The following RUNX2 variants were observed in gnomAD, a reference collection of about 807,000 sequenced individuals.
RUNX2 encodes RUNX family transcription factor 2.
RUNX2 carries 10 observed loss-of-function variants against 51.7 expected under a neutral mutation model. The ratio of observed to expected loss-of-function variants is 0.19; its 90% CI spans 0.12 to 0.33. The LOEUF is 0.33. Ranked by LOEUF, RUNX2 falls within the 10% of genes least tolerant of loss-of-function variation. RUNX2 has a pLI of 1.00. For missense variants in RUNX2, 562 were observed against 691.3 expected (o/e 0.81, Z 2.10); for synonymous variants, 276 against 273.6 (o/e 1.01, Z -0.09).
chr6:45,520,068 G>A (rs919970857), intron 7 of RUNX2, among the ~76,000 whole-genome samples: 2 of 151,918 alleles, frequency 1.3e-5, no homozygotes, highest in African/African-American at 4.8e-5. Flanking sequence ...CTGACCTCAG[G>A]TGATCCACCT....
chr6:45,543,924 C>T (rs1301279575), intron 7 of RUNX2, among the ~76,000 whole-genome samples: 2 of 150,398 alleles, frequency 1.3e-5, no homozygotes, highest in Admixed American at 1.3e-4. Context: ...AGGATTTCTC[C>T]CACCACCTTA....
At chr6:45,479,280 A>T (rs1800043948) in intron 5 of RUNX2, among the ~76,000 whole-genome samples, 2 of 152,178 alleles carry the variant, frequency 1.3e-5, no homozygotes, top group African/African-American at 4.8e-5. Context: ...AGTGAGCTTC[A>T]TAGGTTCTTC....
intron 7 of RUNX2, among the ~76,000 whole-genome samples, chr6:45,527,484 A>G (rs1801705979): frequency 6.6e-6 from 1 of 152,208 alleles, no homozygotes; most frequent in Admixed American, 6.5e-5. Flanking sequence ...TGGTGGGGAT[A>G]GAGACACTGG....
At chr6:45,491,846 C>A in intron 5 of RUNX2, 95 bp from the exon 6 acceptor site, 2 of 1,279,302 alleles carry the variant, frequency 1.6e-6, no homozygotes, top group Non-Finnish European at 2.3e-6. Context: ...AATTCCTTGG[C>A]TTAAACTCCC....
At chr6:45,503,016 G>T (rs150690674) in intron 6 of RUNX2, among the ~76,000 whole-genome samples, 1 of 152,102 alleles carries the variant, frequency 6.6e-6, no homozygotes, top group East Asian at 1.9e-4. Flanking sequence ...AACTGGACAC[G>T]GGCCTAAAGC....
chr6:45,397,369 A>G (rs1852983), intron 2 of RUNX2, among the ~76,000 whole-genome samples: 26,665 of 152,008 alleles, frequency 0.18, 2,905 homozygotes, highest in Non-Finnish European at 0.25. Flanking sequence ...TCCGCCTCCC[A>G]AAGTGCTGGG....
chr6:45,395,168 C>T lies in RUNX2; in HGVS notation c.59-27425C>T, dbSNP rs568298920. Among the ~76,000 whole-genome samples the T allele has an allele frequency of 5.7e-4, 87 of 152,272 alleles. 1 individual carries two copies. Among genetic ancestry groups the T allele is most frequent in the Admixed American group, 3.0e-3 (46 of 15,300 alleles). On this transcript the variant is annotated intron_variant, in intron 2 of 8. Coordinates refer to ENST00000647337, the MANE Select transcript of RUNX2 (RefSeq NM_001024630.4). ...TTTGGGGCAGTGGTTTGTCCTGTGA[C>T]CTCCACTCTCTGATGGAACTAAGAA...
intron 2 of RUNX2, among the ~76,000 whole-genome samples, chr6:45,332,815 T>C (rs756866180): frequency 6.6e-6 from 1 of 151,808 alleles, no homozygotes; most frequent in Non-Finnish European, 1.5e-5. Context: ...CTATTTTTTC[T>C]AGTCACTCAC....
intron 6 of RUNX2, among the ~76,000 whole-genome samples, chr6:45,497,821 C>T (rs527487460): frequency 6.6e-6 from 1 of 152,256 alleles, no homozygotes; most frequent in Non-Finnish European, 1.5e-5. Context: ...ACTTTTGGTT[C>T]GGTGATCAGT....
intron 2 of RUNX2, among the ~76,000 whole-genome samples, chr6:45,399,214 A>T (rs1342599350): frequency 6.6e-6 from 1 of 152,072 alleles, no homozygotes; most frequent in Non-Finnish European, 1.5e-5. Context: ...TCAAGATGGA[A>T]GCAGAAATTG....
intron 5 of RUNX2, among the ~76,000 whole-genome samples, chr6:45,453,052 T>C (rs1343202761): frequency 6.6e-6 from 1 of 152,222 alleles, no homozygotes; most frequent in African/African-American, 2.4e-5. Flanking sequence ...ATTTTCTTAG[T>C]GGTCCTTGGC....
chr6:45,407,182 C>A (rs1269715243), intron 2 of RUNX2, among the ~76,000 whole-genome samples: 1 of 152,076 alleles, frequency 6.6e-6, no homozygotes, highest in Non-Finnish European at 1.5e-5. Flanking sequence ...CTGCTCACTG[C>A]AACCTCCGCC....
chr6:45,427,927 T>A (rs1417368921), intron 3 of RUNX2, among the ~76,000 whole-genome samples: 2 of 152,176 alleles, frequency 1.3e-5, no homozygotes, highest in Non-Finnish European at 2.9e-5. Flanking sequence ...GTGATTTAAA[T>A]GCTAGTTATG....
chr6:45,365,904 GTAAA>G (rs1377746815), intron 2 of RUNX2, among the ~76,000 whole-genome samples: 1 of 151,768 alleles, frequency 6.6e-6, no homozygotes, highest in Non-Finnish European at 1.5e-5. Flanking sequence ...AATCCTATGG[GTAAA>G]TAACTTACTC....
intron 2 of RUNX2, among the ~76,000 whole-genome samples, chr6:45,405,832 T>C (rs1797822484): frequency 1.3e-5 from 2 of 152,018 alleles, no homozygotes; most frequent in Non-Finnish European, 2.9e-5. Flanking sequence ...ACCATAGAAA[T>C]TGGCAAGTGC....
At chr6:45,344,032 A>T (rs942015285) in intron 2 of RUNX2, among the ~76,000 whole-genome samples, 9 of 152,190 alleles carry the variant, frequency 5.9e-5, no homozygotes, top group Non-Finnish European at 1.2e-4. Flanking sequence ...ATGACTACTA[A>T]TTGAATAAAA....
chr6:45,465,419 C>G (rs1004628461), intron 5 of RUNX2, among the ~76,000 whole-genome samples: 4 of 151,922 alleles, frequency 2.6e-5, no homozygotes, highest in African/African-American at 9.7e-5. Flanking sequence ...GAGTCCTATT[C>G]TCAAAGGACT....
At chr6:45,512,445 C>G (rs767341151) in intron 7 of RUNX2, 38 bp downstream of exon 7, 1 of 1,610,688 alleles carries the variant, frequency 6.2e-7, no homozygotes, top group Non-Finnish European at 8.5e-7. Flanking sequence ...CATCCCTGCA[C>G]AGGGGTCGGG....
intron 2 of RUNX2, among the ~76,000 whole-genome samples, chr6:45,383,654 A>G (rs17288334): frequency 0.43 from 64,862 of 152,036 alleles, 14,458 homozygotes; most frequent in Non-Finnish European, 0.5. Context: ...CTATTAATCC[A>G]TGAAAGTAGA....
Sources: allele counts gnomAD v4.1 joint callset (sites outside exome capture counted in the v4.1 genomes callset), GRCh38; gene constraint gnomAD v4.1.1; transcripts MANE v1.5; gene names NCBI Gene and HGNC (gene_info 2026-07-23, HGNC 2026-07-21).